The following ZNF678 variants were observed in gnomAD, a reference collection of about 807,000 sequenced individuals.
ZNF678 encodes hypothetical protein MGC42493.
In ZNF678, 5 loss-of-function variants were observed where a neutral mutation model predicts 3.0. That is an observed-to-expected ratio of 1.69 (90% confidence interval 0.88 to 3.56). The LOEUF is 3.56. ZNF678 is among the 30% of genes most tolerant of loss of function. The pLI is 0.00. For missense variants in ZNF678, 593 were observed against 605.0 expected, an observed-to-expected ratio of 0.98 and a Z score of 0.21; for synonymous variants, 218 against 199.6, an observed-to-expected ratio of 1.09 and a Z score of -0.78.
At chr1:227,648,777 A>T (rs375566308) in intron 2 of ZNF678, among the ~76,000 whole-genome samples, 153 of 151,924 alleles carry the variant, frequency 1.0e-3, no homozygotes, top group African/African-American at 3.6e-3. Flanking sequence ...CAGCCACTGC[A>T]CTCCAGATCC....
At chr1:227,617,995 A>C (rs182992595) in intron 1 of ZNF678, among the ~76,000 whole-genome samples, 43 of 152,234 alleles carry the variant, frequency 2.8e-4, no homozygotes, top group Non-Finnish European at 4.4e-4. Flanking sequence ...CAGCAGAATA[A>C]ATGTCCGCCC....
rs549514731 is a variant in ZNF678, at chr1:227,573,413, T to C, written c.-164+9689T>C. ...GCCCATTGACAGATTGAGCTCATAATGCATACACTAATTTATTCATGATAT... is the reference window on the plus strand; with the variant it reads ...GCCCATTGACAGATTGAGCTCATAACGCATACACTAATTTATTCATGATAT... On this transcript the variant is annotated intron_variant, in intron 1 of 3. Coordinates refer to ENST00000343776, the MANE Select transcript of ZNF678 (RefSeq NM_001367909.1). Among the ~76,000 whole-genome samples, 45 of 152,374 alleles carry C rather than the reference T, an allele frequency of 3.0e-4. No individual in the cohort carries two copies. The East Asian group carries it at 7.5e-3, about 25-fold the overall frequency.
chr1:227,568,509 GC>G (rs1379206972), intron 1 of ZNF678, among the ~76,000 whole-genome samples: 1 of 152,192 alleles, frequency 6.6e-6, no homozygotes, highest in Non-Finnish European at 1.5e-5. Flanking sequence ...TCAATCACAT[GC>G]ATTTACCAGG....
At chr1:227,593,940 C>G (rs1365478605) in intron 1 of ZNF678, among the ~76,000 whole-genome samples, 1 of 146,632 alleles carries the variant, frequency 6.8e-6, no homozygotes, top group Non-Finnish European at 1.5e-5. Flanking sequence ...TCCAGGCTGG[C>G]TCAAGTTTTT....
At chr1:227,581,697 A>C (rs181774168) in intron 1 of ZNF678, among the ~76,000 whole-genome samples, 1 of 152,192 alleles carries the variant, frequency 6.6e-6, no homozygotes, top group East Asian at 1.9e-4. Context: ...GTTTGGGACT[A>C]TTATGAATAC....
chr1:227,677,906 C>T (rs577812070), downstream of ZNF678, among the ~76,000 whole-genome samples: 85 of 152,276 alleles, frequency 5.6e-4, 1 homozygote, highest in African/African-American at 1.9e-3. Context: ...ATTTAAAATG[C>T]AATTCTATAC....
downstream of ZNF678, among the ~76,000 whole-genome samples, chr1:227,679,634 G>A (rs936923713): frequency 3.3e-5 from 5 of 152,028 alleles, no homozygotes; most frequent in Admixed American, 2.6e-4. Flanking sequence ...GAGACTTGCC[G>A]ATGCTCCCAG....
At chr1:227,653,531 T>C (rs2102804325) in intron 3 of ZNF678, among the ~76,000 whole-genome samples, 1 of 152,218 alleles carries the variant, frequency 6.6e-6, no homozygotes, top group South Asian at 2.1e-4. Context: ...CCTGATAACT[T>C]TGCATATGTT....
chr1:227,646,631 G>A lies in ZNF678; in HGVS notation c.-76G>A. ...CCCTGCCCAGCGAAATTTGTATAGGGATGTGATGTTCGAGAACTACAGAAA... is the reference window on the plus strand; with the variant it reads ...CCCTGCCCAGCGAAATTTGTATAGGAATGTGATGTTCGAGAACTACAGAAA... On this transcript the variant is annotated 5_prime_UTR_variant, in exon 2 of 4. Coordinates refer to ENST00000343776, the MANE Select transcript of ZNF678 (RefSeq NM_001367909.1). The A allele has an allele frequency of 1.5e-6, 2 of 1,372,474 alleles. No individual in the cohort carries two copies. The highest frequency in any genetic ancestry group is 2.0e-6 in the Non-Finnish European group (2 of 1,024,770). 85.0% of individuals were successfully genotyped at this position (1,372,474 alleles called of 1,614,324 possible).
chr1:227,609,334 C>T (rs561249674), intron 1 of ZNF678, among the ~76,000 whole-genome samples: 1 of 152,276 alleles, frequency 6.6e-6, no homozygotes, highest in South Asian at 2.1e-4. Context: ...ATACAATGCA[C>T]AGGCAAAACA....
At chr1:227,665,282 A>G (rs901565230), downstream of ZNF678, among the ~76,000 whole-genome samples, 1 of 152,190 alleles carries the variant, frequency 6.6e-6, no homozygotes, top group African/African-American at 2.4e-5. Context: ...TTAAAATCCA[A>G]ATATTGCCAT....
intron 1 of ZNF678, among the ~76,000 whole-genome samples, chr1:227,613,405 T>C (rs573690728): frequency 1.3e-5 from 2 of 152,296 alleles, no homozygotes; most frequent in South Asian, 2.1e-4. Flanking sequence ...ACATGGGCAT[T>C]GGTGTCTCAT....
chr1:227,587,089 G>T (rs977730288), intron 1 of ZNF678, among the ~76,000 whole-genome samples: 6 of 152,192 alleles, frequency 3.9e-5, no homozygotes, highest in Admixed American at 1.3e-4. Flanking sequence ...GGATGAAAGA[G>T]TTCTGCTCCT....
At position 227,587,270 on chromosome 1, in the gene ZNF678, C is replaced by A. The variant is rs533316152; in HGVS notation, c.-164+23546C>A. 2.7e-5 allele frequency among the ~76,000 whole-genome samples: 4 copies of A among 145,876 alleles called. No homozygotes were observed. In the South Asian group the frequency reaches 8.7e-4, roughly 32 times the overall value. On this transcript the variant is annotated intron_variant, in intron 1 of 3. Coordinates refer to ENST00000343776, the MANE Select transcript of ZNF678 (RefSeq NM_001367909.1). The stretch of plus-strand genomic sequence containing the variant: ...TGTTAGATTTTTTTTTTTTTTAATT[C>A]TTTTTCAGTTGCCTTTTCCAGGTTA...
rs752263441 is a variant in ZNF678 at position 227,676,388 on chromosome 1, G to A, written c.227-791G>A. On this transcript the variant is annotated intron_variant, in intron 5 of 5. Coordinates refer to the ZNF678 transcript ENST00000608949. ...CCCAGAAACATACAGGGAAACAAGA[G>A]CCATGAATGGGAAACAGGAGAAACC... Among the ~76,000 whole-genome samples the A allele has an allele frequency of 5.3e-5, 8 of 152,166 alleles. 1 individual carries two copies. The highest frequency in any genetic ancestry group is 7.3e-5 in the Non-Finnish European group (5 of 68,042).
intron 5 of ZNF678, among the ~76,000 whole-genome samples, chr1:227,670,763 A>G (rs187715856): frequency 1.1e-3 from 164 of 152,244 alleles, no homozygotes; most frequent in African/African-American, 3.9e-3. Context: ...GGGCTGCCCT[A>G]GTCTTTCAGG....
intron 2 of ZNF678, among the ~76,000 whole-genome samples, chr1:227,647,431 T>G (rs1378187499): frequency 6.6e-6 from 1 of 152,202 alleles, no homozygotes; most frequent in Non-Finnish European, 1.5e-5. Context: ...TCATGTTATT[T>G]TTTCTAATGA....
In ZNF678 at chr1:227,589,959, C is replaced by G. The variant is rs536597933; in HGVS notation, c.-164+26235C>G. ...CTCACTCATTTTATTAGTGGGAGTTCTCACTTTTATCTTTACCATCTGTGT... is the reference window on the plus strand; with the variant it reads ...CTCACTCATTTTATTAGTGGGAGTTGTCACTTTTATCTTTACCATCTGTGT... On this transcript the variant is annotated intron_variant, in intron 1 of 3. Transcript: ENST00000343776. 3.3e-5 allele frequency among the ~76,000 whole-genome samples: 5 copies of G among 151,820 alleles called. No individual in the cohort carries two copies. In the East Asian group the frequency reaches 7.7e-4, roughly 24 times the overall value.
chr1:227,607,067 C>G (rs1657890379), intron 1 of ZNF678, among the ~76,000 whole-genome samples: 1 of 152,178 alleles, frequency 6.6e-6, no homozygotes, highest in Non-Finnish European at 1.5e-5. Flanking sequence ...AAAAATTTGG[C>G]AGAATTATCA....
Sources: gnomAD v4.1 joint callset for allele counts (sites outside exome capture counted in the v4.1 genomes callset) on GRCh38, gnomAD v4.1.1 for gene constraint, MANE v1.5 for transcripts, NCBI Gene and HGNC (gene_info 2026-07-23, HGNC 2026-07-21) for gene names.